Variants in RANBP2 observed in about 807,000 individuals in gnomAD.
The protein encoded by RANBP2 is E3 SUMO-protein ligase RanBP2.
In RANBP2, 57 loss-of-function variants were observed where a neutral mutation model predicts 303.6. The ratio of observed to expected loss-of-function variants is 0.19; its 90% CI spans 0.15 to 0.23. RANBP2 has a LOEUF of 0.23. RANBP2 is among the 10% of genes least tolerant of loss of function. The pLI is 1.00. For synonymous variants in RANBP2, 1,167 were observed against 1,301.5 expected (o/e 0.90, Z 2.23); for missense variants, 3,138 against 3,780.8 (o/e 0.83, Z 4.46).
the RANBP2 span, among the ~76,000 whole-genome samples, chr2:109,114,146 T>C: frequency 6.6e-6 from 1 of 152,202 alleles, no homozygotes; most frequent in Non-Finnish European, 1.5e-5. Context: ...GATGCTGGCC[T>C]CATAAAATGA....
the RANBP2 span, among the ~76,000 whole-genome samples, chr2:109,002,122 T>G: frequency 6.6e-6 from 1 of 152,208 alleles, no homozygotes; most frequent in Non-Finnish European, 1.5e-5. Flanking sequence ...GTCCCATGGC[T>G]GCACTGCACC....
chr2:109,695,835 T>G, the RANBP2 span, among the ~76,000 whole-genome samples: 1 of 151,908 alleles, frequency 6.6e-6, no homozygotes, highest in South Asian at 2.1e-4. Flanking sequence ...GCCAAAAAGG[T>G]TTTTTTTGTT....
the RANBP2 span, among the ~76,000 whole-genome samples, chr2:109,468,122 C>T: frequency 1.3e-5 from 2 of 152,306 alleles, no homozygotes; most frequent in Admixed American, 1.3e-4. Flanking sequence ...TTCTGAAAAA[C>T]GCGTCGTTTG....
chr2:109,129,840 G>C, the RANBP2 span: 2 of 1,532,678 alleles, frequency 1.3e-6, no homozygotes, highest in South Asian at 2.4e-5. Context: ...GCCGCATCCT[G>C]GTGGGCTGCG....
At chr2:109,257,374 G>GGGAGGGAGAGGAAGGGAA in the RANBP2 span, among the ~76,000 whole-genome samples, 9 of 151,726 alleles carry the variant, frequency 5.9e-5, no homozygotes, top group African/African-American at 1.9e-4. Context: ...AGGAGAGGGA[G>GGGAGGGAGAGGAAGGGAA]GGAGGGAGAG....
the RANBP2 span, among the ~76,000 whole-genome samples, chr2:108,949,478 T>C: frequency 6.6e-6 from 1 of 152,218 alleles, no homozygotes; most frequent in Non-Finnish European, 1.5e-5. Context: ...TAATATTGCC[T>C]ACTGCGTCCC....
At chr2:109,381,027 T>C in the RANBP2 span, among the ~76,000 whole-genome samples, 3 of 152,212 alleles carry the variant, frequency 2.0e-5, no homozygotes, top group Non-Finnish European at 4.4e-5. Context: ...CTTTAAGCAG[T>C]AGTTGTGAAA....
chr2:109,297,594 G>A, the RANBP2 span, among the ~76,000 whole-genome samples: 2 of 142,598 alleles, frequency 1.4e-5, no homozygotes, highest in African/African-American at 5.3e-5. Flanking sequence ...AACCCAGTCA[G>A]TGCCCCCAAC....
At chr2:109,531,545 T>G in the RANBP2 span, among the ~76,000 whole-genome samples, 1 of 152,352 alleles carries the variant, frequency 6.6e-6, no homozygotes, top group East Asian at 1.9e-4. Context: ...CTAATCAATG[T>G]AAATCAGTCT....
chr2:108,965,881 C>T, the RANBP2 span, among the ~76,000 whole-genome samples: 1 of 151,962 alleles, frequency 6.6e-6, no homozygotes, highest in South Asian at 2.1e-4. Context: ...GTGCTCCCCC[C>T]TCTCCCCCCA....
At chr2:108,973,503 G>T in the RANBP2 span, among the ~76,000 whole-genome samples, 1 of 152,156 alleles carries the variant, frequency 6.6e-6, no homozygotes, top group Non-Finnish European at 1.5e-5. Context: ...GATGCCAAGG[G>T]CCTGAACCCT....
the RANBP2 span, among the ~76,000 whole-genome samples, chr2:109,442,408 A>G: frequency 6.6e-6 from 1 of 152,152 alleles, no homozygotes; most frequent in Non-Finnish European, 1.5e-5. Flanking sequence ...ATGAAGATCT[A>G]TACAAAGGAA....
chr2:109,236,773 G>A, the RANBP2 span, among the ~76,000 whole-genome samples: 1 of 152,172 alleles, frequency 6.6e-6, no homozygotes, highest in Non-Finnish European at 1.5e-5. Context: ...CCTGAAGTGA[G>A]GGGTGAGCCT....
chr2:108,769,785 T>C (rs894555465), intron 20 of RANBP2, among the ~76,000 whole-genome samples: 4 of 151,750 alleles, frequency 2.6e-5, no homozygotes, highest in South Asian at 2.1e-4. Context: ...TTGCATATTA[T>C]ATATGTTGCA....
the RANBP2 span, chr2:108,930,221 G>A: frequency 5.6e-6 from 9 of 1,613,948 alleles, no homozygotes; most frequent in Admixed American, 3.3e-5. Context: ...TATTCCGCTC[G>A]GGCTGAGCAC....
At chr2:109,599,146 A>G in the RANBP2 span, among the ~76,000 whole-genome samples, 1 of 152,116 alleles carries the variant, frequency 6.6e-6, no homozygotes, top group Non-Finnish European at 1.5e-5. Flanking sequence ...GATGCTTATT[A>G]CAACCCAGAA....
At chr2:109,299,876 A>G in the RANBP2 span, among the ~76,000 whole-genome samples, 2 of 152,234 alleles carry the variant, frequency 1.3e-5, no homozygotes, top group Admixed American at 1.3e-4. Context: ...AAAAAGCCCA[A>G]AATGAAAATT....
the RANBP2 span, among the ~76,000 whole-genome samples, chr2:109,600,231 T>G: frequency 6.6e-6 from 1 of 152,130 alleles, no homozygotes; most frequent in Non-Finnish European, 1.5e-5. Flanking sequence ...TATTAAGATC[T>G]GGATCAGGGC....
chr2:109,517,868 C>T, the RANBP2 span, among the ~76,000 whole-genome samples: 3 of 152,228 alleles, frequency 2.0e-5, no homozygotes, highest in East Asian at 1.9e-4. Context: ...TAGATAACGA[C>T]GCCCGAGGTC....
Sources: allele counts gnomAD v4.1 joint callset (sites outside exome capture counted in the v4.1 genomes callset), GRCh38; gene constraint gnomAD v4.1.1; transcripts MANE v1.5; gene names NCBI Gene and HGNC (gene_info 2026-07-23, HGNC 2026-07-21).